The following ETNPPL variants were observed in gnomAD, a reference collection of about 807,000 sequenced individuals.
The protein encoded by ETNPPL is alanine--glyoxylate aminotransferase 2-like 1.
ETNPPL carries 30 observed loss-of-function variants against 55.5 expected under a neutral mutation model. The observed-to-expected ratio is 0.54, with a 90% CI of 0.40 to 0.73. ETNPPL has a LOEUF of 0.73. Among genes scored for constraint, ETNPPL ranks in the 30% least tolerant of loss-of-function variants. The probability of loss-of-function intolerance (pLI) is 0.00; values close to 1 mark genes in which losing one functional copy is unlikely to be tolerated. For missense variants in ETNPPL, 528 were observed against 607.9 expected, an observed-to-expected ratio of 0.87 and a Z score of 1.38; for synonymous variants, 202 against 207.2, an observed-to-expected ratio of 0.98 and a Z score of 0.21.
At chr4:108,753,142 CT>C (rs1728995220) in intron 5 of ETNPPL, 131 bp from the exon 6 acceptor site, 4 of 593,998 alleles carry the variant, frequency 6.7e-6, no homozygotes, top group Admixed American at 3.2e-5. Context: ...TTTTTTTGTT[CT>C]TTTTTTCCCT....
intron 11 of ETNPPL, among the ~76,000 whole-genome samples, chr4:108,745,490 T>C (rs1183882128): frequency 6.6e-6 from 1 of 151,738 alleles, no homozygotes; most frequent in Non-Finnish European, 1.5e-5. Context: ...GCTACTCAGG[T>C]GGCTGAGACA....
At chr4:108,746,363 G>A (rs759820832) in intron 11 of ETNPPL, 36 bp downstream of exon 11, 114 of 1,586,526 alleles carry the variant, frequency 7.2e-5, no homozygotes, top group Non-Finnish European at 9.6e-5. Context: ...TTTGGGAGAG[G>A]GAACAAGAAG....
At position 108,742,261 on chromosome 4, in the gene ETNPPL, C is replaced by T. The variant is rs1728252924; in HGVS notation, c.*223G>A. On this transcript the variant is annotated 3_prime_UTR_variant, in exon 13 of 13. Transcript: ENST00000296486. ...TTTAATAGAATAAATCAGGTAGCTT[C>T]AGAAATCAACTAAGAAAATTAACAG... 3 of 371,828 alleles carry T rather than the reference C, an allele frequency of 8.1e-6. No individual in the cohort carries two copies. The East Asian group carries it at 1.3e-4, about 16-fold the overall frequency. The allele number at this position is 371,828 out of a possible 1,614,324, so 23.0% of individuals were successfully genotyped here. A position where few individuals can be genotyped will look rare whatever the true frequency, so the allele number is the denominator to read the frequency against.
rs371723446 is a variant in ETNPPL, at chr4:108,743,896, T to C, written c.1304-40A>G. ...GTATTATGGAGAAGACAAAATAACATAAAAACCTTAAGAAAAAAACTTTTT... is the reference window on the plus strand; with the variant it reads ...GTATTATGGAGAAGACAAAATAACACAAAAACCTTAAGAAAAAAACTTTTT... On this transcript the variant is annotated intron_variant, in intron 11 of 12. Coordinates refer to ENST00000296486, the MANE Select transcript of ETNPPL (RefSeq NM_031279.4). The C allele has an allele frequency of 2.1e-5, 30 of 1,404,476 alleles. 1 individual carries two copies. In the African/African-American group the frequency reaches 4.3e-4, roughly 20 times the overall value. The allele number at this position is 1,404,476 out of a possible 1,614,324, so 87.0% of individuals were successfully genotyped here. A position where few individuals can be genotyped will look rare whatever the true frequency, so the allele number is the denominator to read the frequency against.
In ETNPPL at chr4:108,749,441, C is replaced by A. The variant is rs1728788609; in HGVS notation, c.724G>T (p.Val242Leu). The change falls in exon 8 of 13, where the codon GTG becomes TTG. Residue 242 changes from valine to leucine, a missense_variant. Physicochemically the swap from Val to Leu is conservative, Grantham distance 32 (BLOSUM62 1). Transcript: ENST00000296486. ...VAEYVHGAGG[V>L]FIADEVQVGF... ...ACTTGAACTTCATCAGCTATAAACACACCCCCTGCACCGTGTACATATCTG... is the reference window on the plus strand; with the variant it reads ...ACTTGAACTTCATCAGCTATAAACAAACCCCCTGCACCGTGTACATATCTG... The A allele has an allele frequency of 6.2e-7, 1 of 1,613,892 alleles. No homozygotes were observed. The highest frequency in any genetic ancestry group is 8.5e-7 in the Non-Finnish European group (1 of 1,179,948).
chr4:108,754,036 C>G (rs532790189), intron 5 of ETNPPL, among the ~76,000 whole-genome samples: 1 of 146,938 alleles, frequency 6.8e-6, no homozygotes, highest in African/African-American at 2.5e-5. Flanking sequence ...TGCAGTGGCA[C>G]GATCTTGGCT....
In ETNPPL at chr4:108,746,376, A is replaced by G. The variant is rs753204898; in HGVS notation, c.1303+23T>C. 5.6e-6 allele frequency: 9 copies of G among 1,601,566 alleles called. 2 individuals carry two copies. In the South Asian group the frequency reaches 9.1e-5, roughly 16 times the overall value. On this transcript the variant is annotated intron_variant, in intron 11 of 12. Coordinates refer to ENST00000296486, the MANE Select transcript of ETNPPL (RefSeq NM_031279.4). Reference sequence around the variant, plus strand: ...GGTTTGGGAGAGGGAACAAGAAGACATCTTAAAGATCCATGGACCCACCTG... The same window carrying G: ...GGTTTGGGAGAGGGAACAAGAAGACGTCTTAAAGATCCATGGACCCACCTG...
intron 6 of ETNPPL, among the ~76,000 whole-genome samples, chr4:108,751,269 A>T (rs530957899): frequency 6.6e-6 from 1 of 152,330 alleles, no homozygotes; most frequent in South Asian, 2.1e-4. Context: ...ATGAGAGCGC[A>T]ACTTCCATTT....
chr4:108,750,625 A>ATATATATATATATATC lies in ETNPPL; in HGVS notation c.701+310_701+311insGATATATATATATATA, dbSNP rs1553933962. Among the ~76,000 whole-genome samples, 41 of 122,950 alleles carry ATATATATATATATATC rather than the reference A, an allele frequency of 3.3e-4. 7 individuals are homozygous for ATATATATATATATATC. The East Asian group carries it at 9.4e-3, about 28-fold the overall frequency. The allele number at this position is 122,950 out of a possible 152,430, so 80.7% of individuals were successfully genotyped here. A position where few individuals can be genotyped will look rare whatever the true frequency, so the allele number is the denominator to read the frequency against. On this transcript the variant is annotated intron_variant, in intron 7 of 12. Coordinates refer to ENST00000296486, the MANE Select transcript of ETNPPL (RefSeq NM_031279.4). Reference sequence around the variant, plus strand: ...TATGATATATATAGGATATATATATATCCTATTAGTTTGGTCCCTCTAGAG... The same window carrying ATATATATATATATATC: ...TATGATATATATAGGATATATATATATATATATATATATATCTCCTATTAGTTTGGTCCCTCTAGAG...
chr4:108,754,665 A>G lies in ETNPPL; in HGVS notation c.456T>C (p.Tyr152=). 1 of 1,601,738 alleles carries G rather than the reference A, an allele frequency of 6.2e-7. No individual in the cohort carries two copies. The highest frequency in any genetic ancestry group is 8.5e-7 in the Non-Finnish European group (1 of 1,170,124). The part of the protein sequence containing the change: ...HLSSLIEISP[Y]KFQKGKDVKK... The stretch of plus-strand genomic sequence containing the variant: ...TGACATCTTTTCCTTTCTGAAACTT[A>G]TATGGGCTAATCTCAATTAAGGATG... Residue 152 remains tyrosine (Y), a synonymous_variant, in exon 5 of 13, where the codon TAT becomes TAC. Transcript: ENST00000296486.
intron 6 of ETNPPL, among the ~76,000 whole-genome samples, chr4:108,751,416 G>A (rs1306065875): frequency 6.6e-6 from 1 of 152,194 alleles, no homozygotes; most frequent in East Asian, 1.9e-4. Context: ...TAAGCTTGGT[G>A]AAGTAGGGCT....
intron 11 of ETNPPL, among the ~76,000 whole-genome samples, chr4:108,744,802 C>A (rs1486437502): frequency 6.7e-6 from 1 of 150,042 alleles, no homozygotes; most frequent in Non-Finnish European, 1.5e-5. Context: ...GCAACCTCTG[C>A]CTTGCAGTCT....
At position 108,753,811 on chromosome 4, in the gene ETNPPL, G is replaced by GAA. The variant is rs1560656754; in HGVS notation, c.502-802_502-801dup. On this transcript the variant is annotated intron_variant, in intron 5 of 12. Coordinates refer to ENST00000296486, the MANE Select transcript of ETNPPL (RefSeq NM_031279.4). ...AAGAAAGAAAGAAAGAAAGAAAAGA[G>GAA]AAGAAAAGAAAAGAAAAAAAGAAAT... is the stretch of plus-strand genomic sequence containing the variant. Among the ~76,000 whole-genome samples the GAA allele has an allele frequency of 6.6e-4, 85 of 128,916 alleles. 1 individual carries two copies. Among genetic ancestry groups the GAA allele is most frequent in the African/African-American group, 1.3e-3 (46 of 34,386 alleles). 84.6% of individuals were successfully genotyped at this position (128,916 alleles called of 152,430 possible).
At position 108,749,397 on chromosome 4, in the gene ETNPPL, C is replaced by T. The variant is rs1175646816; in HGVS notation, c.768G>A (p.Gly256=). The part of the protein sequence containing the change: ...DEVQVGFGRV[G]KHFWSFQMYG... ...ACATCTGGAAGCTCCAGAAATGTTT[C>T]CCAACTCTGCCAAAGCCCACTTGAA... Residue 256 remains glycine (G), a synonymous_variant, in exon 8 of 13, where the codon GGG becomes GGA. Transcript: ENST00000296486. 6.2e-7 allele frequency: 1 copy of T among 1,614,070 alleles called. No homozygotes were observed. The highest frequency in any genetic ancestry group is 8.5e-7 in the Non-Finnish European group (1 of 1,180,008).
intron 7 of ETNPPL, among the ~76,000 whole-genome samples, chr4:108,749,748 G>A (rs1728805957): frequency 6.6e-6 from 1 of 151,908 alleles, no homozygotes; most frequent in African/African-American, 2.4e-5. Context: ...TCACTCTGTT[G>A]CCCAGGCTGG....
Position 108,754,619 on chromosome 4 carries a change from C to A in ETNPPL, c.501+1G>T. 6.9e-7 allele frequency: 1 copy of A among 1,452,876 alleles called. No individual in the cohort carries two copies. Among genetic ancestry groups the A allele is most frequent in the Non-Finnish European group, 9.6e-7 (1 of 1,036,518 alleles). The allele number at this position is 1,452,876 out of a possible 1,614,324, so 90.0% of individuals were successfully genotyped here. A position where few individuals can be genotyped will look rare whatever the true frequency, so the allele number is the denominator to read the frequency against. On this transcript the variant is annotated splice_donor_variant, in intron 5 of 12. Transcript: ENST00000296486. LOFTEE classifies it high-confidence loss of function. ...CTGATTTAGGATTTTAAGACACTTA[C>A]CACATGTACAAATTCTTTTTTGACA...
At chr4:108,753,787 A>ATAAAT (rs1485630087) in intron 5 of ETNPPL, among the ~76,000 whole-genome samples, 2 of 124,178 alleles carry the variant, frequency 1.6e-5, no homozygotes, top group South Asian at 5.3e-4. Context: ...AAAGAAAGAA[A>ATAAAT]GAAAGAAAGA....
chr4:108,762,650 C>G (rs1031565176), intron 1 of ETNPPL, 193 bp downstream of exon 1: 1 of 705,634 alleles, frequency 1.4e-6, no homozygotes, highest in Admixed American at 2.2e-5. Context: ...CCCAGCGTTC[C>G]GGGTTCCAGG....
intron 6 of ETNPPL, 26 bp from the exon 7 acceptor site, chr4:108,751,044 G>T (rs200060639): frequency 1.2e-5 from 18 of 1,521,178 alleles, no homozygotes; most frequent in Admixed American, 6.7e-5. Context: ...TGGTGTCAAA[G>T]TCCATTAGGT....
Sources: gnomAD v4.1 joint callset for allele counts (sites outside exome capture counted in the v4.1 genomes callset) on GRCh38, gnomAD v4.1.1 for gene constraint, MANE v1.5 for transcripts, NCBI Gene and HGNC (gene_info 2026-07-23, HGNC 2026-07-21) for gene names.